Variants in CNTN5 observed in about 807,000 individuals in gnomAD.
CNTN5 encodes contactin 5, also known as contactin-5.
CNTN5 carries 77 observed loss-of-function variants against 129.1 expected under a neutral mutation model. The observed-to-expected ratio is 0.60, with a 90% CI of 0.50 to 0.72. The LOEUF is 0.72. CNTN5 is among the 30% of genes least tolerant of loss of function. CNTN5 has a pLI of 0.00. For missense variants in CNTN5, 1,478 were observed against 1,328.8 expected, an observed-to-expected ratio of 1.11 and a Z score of -1.75; for synonymous variants, 509 against 465.6, an observed-to-expected ratio of 1.09 and a Z score of -1.20.
chr11:99,469,137 C>T (rs1216518714), intron 2 of CNTN5, among the ~76,000 whole-genome samples: 1 of 151,974 alleles, frequency 6.6e-6, no homozygotes, highest in Non-Finnish European at 1.5e-5. Context: ...GTTTTAAATT[C>T]CCATATTCCC....
intron 2 of CNTN5, among the ~76,000 whole-genome samples, chr11:99,549,858 T>G (rs74950091): frequency 0.089 from 13,468 of 152,122 alleles, 1,195 homozygotes; most frequent in East Asian, 0.35. Flanking sequence ...TTTTTTTCTT[T>G]CTGATTCCAG....
intron 1 of CNTN5, among the ~76,000 whole-genome samples, chr11:99,065,149 T>C (rs1490024895): frequency 6.8e-6 from 1 of 147,456 alleles, no homozygotes; most frequent in Non-Finnish European, 1.5e-5. Context: ...TTTAATTAAA[T>C]GCCTGTTAGA....
chr11:99,328,966 G>A (rs1036490011), intron 2 of CNTN5, among the ~76,000 whole-genome samples: 1 of 151,686 alleles, frequency 6.6e-6, no homozygotes, highest in Non-Finnish European at 1.5e-5. Context: ...ACATGTATAA[G>A]TTGGTGTGAA....
At chr11:99,869,586 G>A (rs907290807) in intron 6 of CNTN5, among the ~76,000 whole-genome samples, 13 of 151,960 alleles carry the variant, frequency 8.6e-5, no homozygotes, top group Non-Finnish European at 5.9e-5. Context: ...TTCTACTTCC[G>A]CTGTATATTG....
chr11:100,196,332 GTAT>G (rs34228459), intron 15 of CNTN5, among the ~76,000 whole-genome samples: 91,133 of 151,386 alleles, frequency 0.6, 29,517 homozygotes, highest in East Asian at 0.89. Context: ...ACAATATTTT[GTAT>G]TATTTTGTAG....
intron 7 of CNTN5, among the ~76,000 whole-genome samples, chr11:99,944,151 T>C (rs1325066268): frequency 2.0e-5 from 3 of 151,904 alleles, no homozygotes; most frequent in Non-Finnish European, 4.4e-5. Context: ...TTTCATAATA[T>C]TCATCTCTGG....
At chr11:99,355,288 T>C (rs1938565842) in intron 2 of CNTN5, among the ~76,000 whole-genome samples, 1 of 152,226 alleles carries the variant, frequency 6.6e-6, no homozygotes, top group Non-Finnish European at 1.5e-5. Flanking sequence ...TTCAATAGCA[T>C]ATTGTTAGCC....
intron 1 of CNTN5, among the ~76,000 whole-genome samples, chr11:99,103,539 A>G (rs1026924992): frequency 3.3e-5 from 5 of 152,158 alleles, no homozygotes; most frequent in African/African-American, 1.2e-4. Context: ...GATTTATAGC[A>G]TGGATTCATA....
At chr11:100,059,376 C>G (rs549714574) in intron 9 of CNTN5, among the ~76,000 whole-genome samples, 1 of 152,162 alleles carries the variant, frequency 6.6e-6, no homozygotes, top group South Asian at 2.1e-4. Context: ...AAACTATAGA[C>G]GTGTTTTCTT....
chr11:99,892,523 C>G (rs1216430208), intron 6 of CNTN5, among the ~76,000 whole-genome samples: 1 of 152,110 alleles, frequency 6.6e-6, no homozygotes, highest in East Asian at 1.9e-4. Context: ...AGGAAGGGGT[C>G]CAGTTTCAGT....
At chr11:99,404,345 T>C (rs1941974808) in intron 2 of CNTN5, among the ~76,000 whole-genome samples, 1 of 151,964 alleles carries the variant, frequency 6.6e-6, no homozygotes, top group Non-Finnish European at 1.5e-5. Flanking sequence ...TTACATTCAA[T>C]GTTAATTTTG....
intron 16 of CNTN5, among the ~76,000 whole-genome samples, chr11:100,229,177 C>A (rs1226067934): frequency 2.7e-5 from 4 of 150,232 alleles, no homozygotes; most frequent in Admixed American, 6.8e-5. Flanking sequence ...AAGCCTACAT[C>A]AGCAGTTTAT....
chr11:99,196,486 G>A (rs1054710348), intron 1 of CNTN5, among the ~76,000 whole-genome samples: 6 of 151,780 alleles, frequency 4.0e-5, no homozygotes, highest in Non-Finnish European at 7.4e-5. Context: ...TTGAAATTTT[G>A]TCAAAATCAT....
At chr11:99,479,800 G>A (rs1875890) in intron 2 of CNTN5, among the ~76,000 whole-genome samples, 149,630 of 152,070 alleles carry the variant, frequency 0.98, 73,674 homozygotes, top group East Asian at 1. Flanking sequence ...ATGTTTTGAG[G>A]TAAAGAAAAA....
chr11:99,057,617 A>T (rs1169633029), intron 1 of CNTN5, among the ~76,000 whole-genome samples: 1 of 151,926 alleles, frequency 6.6e-6, no homozygotes, highest in African/African-American at 2.4e-5. Flanking sequence ...TCTTTTTTTT[A>T]GATTCAATAA....
chr11:99,935,122 TA>T (rs1358542134), intron 7 of CNTN5, among the ~76,000 whole-genome samples: 36 of 151,202 alleles, frequency 2.4e-4, no homozygotes, highest in African/African-American at 8.5e-4. Context: ...TTATACGATA[TA>T]AAAATATTAA....
chr11:99,768,204 T>C (rs1944822115), intron 3 of CNTN5, among the ~76,000 whole-genome samples: 1 of 152,116 alleles, frequency 6.6e-6, no homozygotes, highest in Non-Finnish European at 1.5e-5. Context: ...GTTTTTTCTA[T>C]CTTTGTAATT....
At chr11:100,145,495 C>T (rs969804805) in intron 13 of CNTN5, among the ~76,000 whole-genome samples, 1 of 152,076 alleles carries the variant, frequency 6.6e-6, no homozygotes, top group Non-Finnish European at 1.5e-5. Context: ...TCTGAACACA[C>T]GGTTTGTATT....
At chr11:100,167,530 A>C (rs1947679221) in intron 13 of CNTN5, among the ~76,000 whole-genome samples, 1 of 151,894 alleles carries the variant, frequency 6.6e-6, no homozygotes, top group Admixed American at 6.6e-5. Context: ...TGAGCTTTTA[A>C]TATAATGGAG....
Sources: allele counts gnomAD v4.1 joint callset (sites outside exome capture counted in the v4.1 genomes callset), GRCh38; gene constraint gnomAD v4.1.1; transcripts MANE v1.5; gene names NCBI Gene and HGNC (gene_info 2026-07-23, HGNC 2026-07-21).